Variants in GPR158 observed in about 807,000 individuals in gnomAD.
GPR158 encodes metabotropic glycine receptor.
In GPR158, 30 loss-of-function variants were observed where a neutral mutation model predicts 78.2. That is an observed-to-expected ratio of 0.38 (90% CI 0.29 to 0.52). GPR158 has a LOEUF of 0.52. Among genes scored for constraint, GPR158 ranks in the 20% least tolerant of loss-of-function variants. The pLI, the probability that GPR158 is intolerant of heterozygous loss-of-function variation, is 0.83. For missense variants in GPR158, 1,463 were observed against 1,523.5 expected, an observed-to-expected ratio of 0.96 and a Z score of 0.66; for synonymous variants, 581 against 591.1, an observed-to-expected ratio of 0.98 and a Z score of 0.25.
chr10:25,391,055 G>C lies in GPR158; in HGVS notation c.1009-4856G>C, dbSNP rs11014522. 8.9e-3 allele frequency among the ~76,000 whole-genome samples: 1,359 copies of C among 152,308 alleles called. 21 individuals carry two copies. The highest frequency in any genetic ancestry group is 0.031 in the African/African-American group (1,309 of 41,562). On this transcript the variant is annotated intron_variant, in intron 2 of 10. Transcript: ENST00000376351. Reference sequence around the variant, plus strand: ...AGCCCCAAACCTTGGTGGCTTCCACGTGTTGTTGGGCCTGTGGGTGCACAG... The same window carrying C: ...AGCCCCAAACCTTGGTGGCTTCCACCTGTTGTTGGGCCTGTGGGTGCACAG...
chr10:25,254,300 C>T (rs1853863620), intron 2 of GPR158, among the ~76,000 whole-genome samples: 1 of 152,074 alleles, frequency 6.6e-6, no homozygotes, highest in Admixed American at 6.6e-5. Flanking sequence ...CAAAACAGGA[C>T]AAATAGATTT....
At chr10:25,412,141 T>C in intron 3 of GPR158, 109 bp from the exon 4 acceptor site, 1 of 761,514 alleles carries the variant, frequency 1.3e-6, no homozygotes, top group African/African-American at 1.7e-5. Context: ...AAAAGGTCTT[T>C]AATAAGTGAG....
At chr10:25,347,920 A>G (rs10450325) in intron 2 of GPR158, among the ~76,000 whole-genome samples, 49,763 of 151,750 alleles carry the variant, frequency 0.33, 10,182 homozygotes, top group African/African-American at 0.57. Flanking sequence ...TTACTCCATC[A>G]TGTTGCCTCC....
chr10:25,205,156 T>C (rs1325416763), intron 1 of GPR158, among the ~76,000 whole-genome samples: 1 of 152,140 alleles, frequency 6.6e-6, no homozygotes, highest in Non-Finnish European at 1.5e-5. Context: ...ACTGTGAGTC[T>C]ATTAAACCTC....
intron 1 of GPR158, among the ~76,000 whole-genome samples, chr10:25,220,133 A>G (rs1853278983): frequency 6.6e-6 from 1 of 152,142 alleles, no homozygotes; most frequent in Non-Finnish European, 1.5e-5. Context: ...AGTGGGGTAT[A>G]TATACTTTAC....
intron 7 of GPR158, among the ~76,000 whole-genome samples, chr10:25,582,485 AGT>A (rs1332730453): frequency 6.6e-6 from 1 of 152,198 alleles, no homozygotes; most frequent in African/African-American, 2.4e-5. Context: ...ATTCTAGCGA[AGT>A]GTGAACAGAA....
chr10:25,249,754 G>C (rs535252980), intron 2 of GPR158, among the ~76,000 whole-genome samples: 3 of 152,124 alleles, frequency 2.0e-5, no homozygotes, highest in Non-Finnish European at 2.9e-5. Flanking sequence ...GTTCATCAAG[G>C]ATATTGGCCT....
intron 4 of GPR158, among the ~76,000 whole-genome samples, chr10:25,413,875 A>G (rs1430230751): frequency 2.0e-5 from 3 of 152,230 alleles, no homozygotes; most frequent in African/African-American, 7.2e-5. Context: ...ATAGCTCCTC[A>G]TTTAACCAAT....
rs115738455 is a variant in GPR158 at position 25,260,237 on chromosome 10, A to G, written c.1008+39080A>G. 7.6e-3 allele frequency among the ~76,000 whole-genome samples: 1,154 copies of G among 152,186 alleles called. 25 individuals carry two copies. Among genetic ancestry groups the G allele is most frequent in the African/African-American group, 0.027 (1,103 of 41,548 alleles). On this transcript the variant is annotated intron_variant, in intron 2 of 10. Coordinates refer to ENST00000376351, the MANE Select transcript of GPR158 (RefSeq NM_020752.3). ...CTTTGTTTTCTATTTTGTACCTGACAATTACAGTGCTTGGTGTGATTCCTT... is the reference window on the plus strand; with the variant it reads ...CTTTGTTTTCTATTTTGTACCTGACGATTACAGTGCTTGGTGTGATTCCTT...
intron 1 of GPR158, among the ~76,000 whole-genome samples, chr10:25,219,509 G>A (rs989512964): frequency 1.3e-5 from 2 of 152,124 alleles, no homozygotes; most frequent in African/African-American, 4.8e-5. Flanking sequence ...CGTGTTTTCT[G>A]TAATTTTTGT....
intron 9 of GPR158, among the ~76,000 whole-genome samples, chr10:25,596,366 G>C (rs570283309): frequency 1.3e-5 from 2 of 152,190 alleles, no homozygotes; most frequent in South Asian, 4.2e-4. Context: ...GGCTGGAGCA[G>C]GAGGATGGCT....
chr10:25,184,722 A>G (rs1257889966), intron 1 of GPR158, among the ~76,000 whole-genome samples: 1 of 152,230 alleles, frequency 6.6e-6, no homozygotes, highest in Non-Finnish European at 1.5e-5. Context: ...ATAGAAGGGA[A>G]TAGATATGTC....
At chr10:25,399,643 T>G (rs533536285) in intron 3 of GPR158, among the ~76,000 whole-genome samples, 1 of 152,312 alleles carries the variant, frequency 6.6e-6, no homozygotes, top group East Asian at 1.9e-4. Flanking sequence ...CCTGATGGCC[T>G]TGTCAAGTTT....
At chr10:25,300,970 T>C (rs1297250722) in intron 2 of GPR158, among the ~76,000 whole-genome samples, 1 of 152,190 alleles carries the variant, frequency 6.6e-6, no homozygotes, top group Non-Finnish European at 1.5e-5. Flanking sequence ...ATTGATGTTT[T>C]TTCATGTGGA....
intron 2 of GPR158, among the ~76,000 whole-genome samples, chr10:25,271,753 C>A (rs781163156): frequency 3.9e-5 from 6 of 152,032 alleles, no homozygotes; most frequent in African/African-American, 7.2e-5. Flanking sequence ...CCTCCACTTC[C>A]TGGGTTCAAG....
intron 2 of GPR158, among the ~76,000 whole-genome samples, chr10:25,304,121 C>T (rs556025910): frequency 3.4e-4 from 51 of 151,460 alleles, no homozygotes; most frequent in Non-Finnish European, 4.6e-4. Flanking sequence ...GTTGTTTTTT[C>T]GTTTACTTGT....
intron 5 of GPR158, among the ~76,000 whole-genome samples, chr10:25,533,704 T>C (rs1255406077): frequency 1.3e-5 from 2 of 152,204 alleles, no homozygotes; most frequent in Non-Finnish European, 2.9e-5. Context: ...TGGTCAACAT[T>C]TTATAGCACC....
chr10:25,539,610 A>G (rs1448951954), intron 5 of GPR158, among the ~76,000 whole-genome samples: 2 of 151,498 alleles, frequency 1.3e-5, no homozygotes, highest in African/African-American at 2.4e-5. Context: ...CTGCTGCCAC[A>G]TTAACCCCCA....
At chr10:25,210,980 A>C (rs1188319735) in intron 1 of GPR158, among the ~76,000 whole-genome samples, 1 of 152,032 alleles carries the variant, frequency 6.6e-6, no homozygotes, top group African/African-American at 2.4e-5. Flanking sequence ...AAAAATACAA[A>C]AAATAGCGGG....
Sources: allele counts gnomAD v4.1 joint callset (sites outside exome capture counted in the v4.1 genomes callset), GRCh38; gene constraint gnomAD v4.1.1; transcripts MANE v1.5; gene names NCBI Gene and HGNC (gene_info 2026-07-23, HGNC 2026-07-21).